The following BTBD9 variants were observed in gnomAD, a reference collection of about 807,000 sequenced individuals.
BTBD9 encodes the protein BTB/POZ domain-containing protein 9.
Under a neutral mutation model 64.3 loss-of-function variants are expected in BTBD9, and 49 were observed. The observed-to-expected ratio is 0.76, with a 90% confidence interval of 0.61 to 0.97. The LOEUF (loss-of-function observed/expected upper bound fraction) is 0.97. Among genes scored for constraint, BTBD9 ranks in the 50% least tolerant of loss-of-function variants. The pLI is 0.00. For synonymous variants in BTBD9, 260 were observed against 274.7 expected (o/e 0.95, Z 0.53); for missense variants, 598 against 762.1 (o/e 0.78, Z 2.53).
intron 1 of BTBD9, among the ~76,000 whole-genome samples, chr6:38,602,571 A>G (rs898991085): frequency 6.6e-6 from 1 of 152,114 alleles, no homozygotes; most frequent in Non-Finnish European, 1.5e-5. Flanking sequence ...GGGCTGTTGG[A>G]AAATTTTACA....
At chr6:38,525,262 T>G (rs1352730890) in intron 6 of BTBD9, among the ~76,000 whole-genome samples, 1 of 152,144 alleles carries the variant, frequency 6.6e-6, no homozygotes, top group African/African-American at 2.4e-5. Flanking sequence ...TCTTGCTCGC[T>G]CTCTCTCCTG....
In BTBD9 at chr6:38,543,157, T is replaced by C. The variant is rs1774363439; in HGVS notation, c.1154+34443A>G. On this transcript the variant is annotated intron_variant, in intron 6 of 10. Transcript: ENST00000481247. ...TCTACAAAGGCTCTTCGCACAGATA[T>C]CCACATGGGTGACTCTTCCCTGTCA... 3.3e-5 allele frequency among the ~76,000 whole-genome samples: 5 copies of C among 152,292 alleles called. No homozygotes were observed. The South Asian group carries it at 1.0e-3, about 32-fold the overall frequency.
intron 6 of BTBD9, among the ~76,000 whole-genome samples, chr6:38,514,177 C>T (rs4074421): frequency 0.19 from 28,780 of 152,196 alleles, 3,482 homozygotes; most frequent in Non-Finnish European, 0.29. Flanking sequence ...GATCTGATGG[C>T]TAAAGAAACC....
At chr6:38,510,365 C>G (rs1487592219) in intron 6 of BTBD9, among the ~76,000 whole-genome samples, 2 of 152,142 alleles carry the variant, frequency 1.3e-5, no homozygotes, top group Non-Finnish European at 2.9e-5. Flanking sequence ...ATATAATTAG[C>G]ACTTACCATG....
At chr6:38,542,309 T>C (rs12524226) in intron 6 of BTBD9, among the ~76,000 whole-genome samples, 27,576 of 152,120 alleles carry the variant, frequency 0.18, 2,518 homozygotes, top group Middle Eastern at 0.24. Flanking sequence ...GTATGTCTTT[T>C]TTCCTGGTTT....
chr6:38,511,995 C>T (rs149843844), intron 6 of BTBD9, among the ~76,000 whole-genome samples: 23 of 151,812 alleles, frequency 1.5e-4, no homozygotes, highest in South Asian at 8.3e-4. Context: ...TTTTTTGAGA[C>T]GGAGTTTCAC....
intron 6 of BTBD9, among the ~76,000 whole-genome samples, chr6:38,517,920 T>C (rs1773109774): frequency 6.6e-6 from 1 of 152,164 alleles, no homozygotes; most frequent in South Asian, 2.1e-4. Flanking sequence ...TCAGGCTCTG[T>C]TTTCCAGAGA....
At chr6:38,455,712 G>GT (rs1158534518) in intron 6 of BTBD9, among the ~76,000 whole-genome samples, 5 of 152,046 alleles carry the variant, frequency 3.3e-5, no homozygotes, top group Non-Finnish European at 7.4e-5. Context: ...TTTTTTGTTT[G>GT]TTTTTTTGTT....
At chr6:38,547,223 G>A (rs1248440142) in intron 6 of BTBD9, among the ~76,000 whole-genome samples, 1 of 152,128 alleles carries the variant, frequency 6.6e-6, no homozygotes, top group Non-Finnish European at 1.5e-5. Flanking sequence ...AAGGAAGAGT[G>A]ACACATCTCT....
intron 8 of BTBD9, among the ~76,000 whole-genome samples, chr6:38,283,127 A>T (rs1224349321): frequency 2.0e-5 from 3 of 152,196 alleles, no homozygotes; most frequent in Non-Finnish European, 4.4e-5. Context: ...ACCACAGGAT[A>T]TTGGTATCTG....
chr6:38,298,421 T>C (rs1762244974), intron 7 of BTBD9, among the ~76,000 whole-genome samples: 1 of 152,210 alleles, frequency 6.6e-6, no homozygotes, highest in South Asian at 2.1e-4. Flanking sequence ...GTACATGTGA[T>C]ATTTTATTAC....
chr6:38,454,326 A>C (rs1769691311), intron 6 of BTBD9, among the ~76,000 whole-genome samples: 1 of 152,040 alleles, frequency 6.6e-6, no homozygotes, highest in Non-Finnish European at 1.5e-5. Context: ...GAGAGTTTAA[A>C]GTTTACATAT....
intron 6 of BTBD9, among the ~76,000 whole-genome samples, chr6:38,371,870 A>T (rs1365391212): frequency 6.6e-6 from 1 of 152,210 alleles, no homozygotes; most frequent in East Asian, 1.9e-4. Flanking sequence ...TAAAATTTTT[A>T]AATTCTTGTA....
At chr6:38,245,038 T>C (rs1317919293) in intron 9 of BTBD9, among the ~76,000 whole-genome samples, 1 of 152,116 alleles carries the variant, frequency 6.6e-6, no homozygotes, top group East Asian at 1.9e-4. Context: ...GAAACCAACA[T>C]GCATACGTGA....
At chr6:38,321,721 G>A (rs1323184689) in intron 7 of BTBD9, among the ~76,000 whole-genome samples, 1 of 152,056 alleles carries the variant, frequency 6.6e-6, no homozygotes, top group African/African-American at 2.4e-5. Flanking sequence ...GACTCCAAGT[G>A]ATAAGTTGCA....
At chr6:38,349,606 G>A (rs1277515610) in intron 6 of BTBD9, among the ~76,000 whole-genome samples, 1 of 151,988 alleles carries the variant, frequency 6.6e-6, no homozygotes, top group Non-Finnish European at 1.5e-5. Context: ...CTTTACCATA[G>A]GTATGCATGC....
chr6:38,449,532 T>TAAA (rs35241869), intron 6 of BTBD9, among the ~76,000 whole-genome samples: 49 of 149,850 alleles, frequency 3.3e-4, no homozygotes, highest in Admixed American at 1.4e-3. Flanking sequence ...GGCAGTCTCT[T>TAAA]AAAAAAAAAA....
intron 1 of BTBD9, among the ~76,000 whole-genome samples, chr6:38,627,558 T>G (rs1778214424): frequency 6.6e-6 from 1 of 152,158 alleles, no homozygotes; most frequent in African/African-American, 2.4e-5. Flanking sequence ...TGTTCACCCC[T>G]GCATCCCCAA....
chr6:38,278,820 AC>A (rs1761390345), intron 8 of BTBD9, among the ~76,000 whole-genome samples: 1 of 152,246 alleles, frequency 6.6e-6, no homozygotes, highest in Admixed American at 6.5e-5. Flanking sequence ...TAATATCATA[AC>A]CATTGAGGGA....
Sources: allele counts gnomAD v4.1 joint callset (sites outside exome capture counted in the v4.1 genomes callset), GRCh38; gene constraint gnomAD v4.1.1; transcripts MANE v1.5; gene names NCBI Gene and HGNC (gene_info 2026-07-23, HGNC 2026-07-21).